Variants in ITFG1 observed in about 807,000 individuals in gnomAD.
The protein encoded by ITFG1 is integrin alpha FG-GAP repeat containing 1.
ITFG1 carries 34 observed loss-of-function variants against 81.8 expected under a neutral mutation model. The observed-to-expected ratio is 0.42, with a 90% confidence interval of 0.32 to 0.55. ITFG1 has a LOEUF of 0.55. Among genes scored for constraint, ITFG1 ranks in the 20% least tolerant of loss-of-function variants. ITFG1 has a pLI of 0.17. For synonymous variants in ITFG1, 285 were observed against 270.6 expected, an observed-to-expected ratio of 1.05 and a Z score of -0.52; for missense variants, 672 against 755.4, an observed-to-expected ratio of 0.89 and a Z score of 1.29.
chr16:47,174,466 C>T lies in ITFG1; in HGVS notation c.1454-11802G>A, dbSNP rs942769352. 2.6e-5 allele frequency among the ~76,000 whole-genome samples: 4 copies of T among 152,046 alleles called. No individual in the cohort carries two copies. In the East Asian group the frequency reaches 5.8e-4, roughly 22 times the overall value. On this transcript the variant is annotated intron_variant, in intron 14 of 17. Coordinates refer to ENST00000320640, the MANE Select transcript of ITFG1 (RefSeq NM_030790.5). ...GTATGTGAACATGAGTGTGTGTGCGCGTGTATGTGTTTTTCTCTGAGTCAA... is the reference window on the plus strand; with the variant it reads ...GTATGTGAACATGAGTGTGTGTGCGTGTGTATGTGTTTTTCTCTGAGTCAA...
At position 47,274,936 on chromosome 16, in the gene ITFG1, A is replaced by G. The variant is rs568099166; in HGVS notation, c.1071-14241T>C. ...CCTTCACTCTTTAGAATTCTATTTC[A>G]AACTCTGTAGTATGTAAAGAATTGA... On this transcript the variant is annotated intron_variant, in intron 10 of 17. Transcript: ENST00000320640. Among the ~76,000 whole-genome samples the G allele has an allele frequency of 3.3e-4, 50 of 152,290 alleles. No individual in the cohort carries two copies. In the Middle Eastern group the frequency reaches 0.02, roughly 62 times the overall value.
At chr16:47,432,749 G>T (rs1969110448) in intron 5 of ITFG1, among the ~76,000 whole-genome samples, 1 of 152,154 alleles carries the variant, frequency 6.6e-6, no homozygotes, top group Non-Finnish European at 1.5e-5. Context: ...TACAAGGTTA[G>T]AAATCTTTAA....
At chr16:47,246,151 A>AT (rs1177502226) in intron 12 of ITFG1, among the ~76,000 whole-genome samples, 4 of 152,204 alleles carry the variant, frequency 2.6e-5, no homozygotes, top group Non-Finnish European at 5.9e-5. Flanking sequence ...AGTTTCTTCC[A>AT]TTTTGTGTAC....
At chr16:47,287,914 A>AT in intron 10 of ITFG1, among the ~76,000 whole-genome samples, 1 of 152,374 alleles carries the variant, frequency 6.6e-6, no homozygotes, top group African/African-American at 2.4e-5. Context: ...AAGAATAAAT[A>AT]TCTCAATTTA....
chr16:47,335,465 AT>A (rs1256026483), intron 8 of ITFG1, among the ~76,000 whole-genome samples: 1 of 152,220 alleles, frequency 6.6e-6, no homozygotes, highest in East Asian at 1.9e-4. Flanking sequence ...GAATAAAAGA[AT>A]TGCAAATCAT....
intron 7 of ITFG1, among the ~76,000 whole-genome samples, chr16:47,367,680 G>A (rs550227321): frequency 6.6e-6 from 1 of 152,316 alleles, no homozygotes; most frequent in South Asian, 2.1e-4. Context: ...AGGACCATGA[G>A]TAAGGAAATA....
At chr16:47,275,030 T>C (rs902654928) in intron 10 of ITFG1, among the ~76,000 whole-genome samples, 6 of 152,310 alleles carry the variant, frequency 3.9e-5, no homozygotes, top group South Asian at 2.1e-4. Context: ...TTATGAACAA[T>C]AGAATTTTGA....
chr16:47,354,976 T>C (rs1437604233), intron 8 of ITFG1, among the ~76,000 whole-genome samples: 2 of 152,136 alleles, frequency 1.3e-5, no homozygotes, highest in Admixed American at 6.6e-5. Flanking sequence ...TGTAAAACAG[T>C]ATGGAGTTTC....
At chr16:47,368,370 G>C (rs998939499) in intron 7 of ITFG1, among the ~76,000 whole-genome samples, 1 of 151,242 alleles carries the variant, frequency 6.6e-6, no homozygotes, top group African/African-American at 2.4e-5. Context: ...TGGCCAACAT[G>C]ATGAAACCCC....
At chr16:47,163,930 CACACACACACACACACACACACAT>C (rs1230251394) in intron 14 of ITFG1, among the ~76,000 whole-genome samples, 2 of 147,392 alleles carry the variant, frequency 1.4e-5, no homozygotes, top group Admixed American at 1.3e-4. Flanking sequence ...CACACACACA[CACACACACACACACACACACACAT>C]ACACACACAC....
At chr16:47,363,406 G>A (rs1968134538) in intron 8 of ITFG1, among the ~76,000 whole-genome samples, 1 of 151,892 alleles carries the variant, frequency 6.6e-6, no homozygotes, top group South Asian at 2.1e-4. Context: ...TCTCACTTGT[G>A]TTGCCTAGGC....
chr16:47,247,818 G>A (rs1966020561), intron 12 of ITFG1, among the ~76,000 whole-genome samples: 1 of 152,062 alleles, frequency 6.6e-6, no homozygotes, highest in South Asian at 2.1e-4. Context: ...AGCTCAGAGG[G>A]AAGTAGCCTG....
At chr16:47,236,474 C>CAAA (rs68028486) in intron 13 of ITFG1, among the ~76,000 whole-genome samples, 6 of 52,258 alleles carry the variant, frequency 1.1e-4, no homozygotes, top group African/African-American at 1.3e-4. Context: ...GACTCCATCT[C>CAAA]AAAAAAAAAA....
chr16:47,258,635 T>C lies in ITFG1; in HGVS notation c.1327A>G (p.Ile443Val). ...TAAATGTTAGTACTTTACTCACCAA[T>C]AACTTTAACAAAATAAGCATCTGCT... ...FEADAYFVKV[I>V]VLSGLCSNDC... The change falls in exon 12 of 18, where the codon ATT (isoleucine) becomes GTT (valine). Residue 443 changes from isoleucine to valine, a missense_variant. By Grantham distance (29) the Ile-to-Val change is conservative. Coordinates refer to ENST00000320640, the MANE Select transcript of ITFG1 (RefSeq NM_030790.5). 7.5e-7 allele frequency: 1 copy of C among 1,341,854 alleles called. No homozygotes were observed. The highest frequency in any genetic ancestry group is 1.1e-6 in the Non-Finnish European group (1 of 946,098). The allele number at this position is 1,341,854 out of a possible 1,614,324, so 83.1% of individuals were successfully genotyped here. A position where few individuals can be genotyped will look rare whatever the true frequency, so the allele number is the denominator to read the frequency against.
At chr16:47,188,624 G>T (rs1185563173) in intron 14 of ITFG1, among the ~76,000 whole-genome samples, 3 of 106,230 alleles carry the variant, frequency 2.8e-5, no homozygotes, top group East Asian at 7.1e-4. Flanking sequence ...GGGGTGGGGG[G>T]AGGGGGGAGG....
chr16:47,375,871 C>T lies in ITFG1; in HGVS notation c.720+5G>A. ...TTAAAATGCTTCAAGGAAAAGATTTCTTACCAAATTTTCCCATATTTCAAA... is the reference window on the plus strand; with the variant it reads ...TTAAAATGCTTCAAGGAAAAGATTTTTTACCAAATTTTCCCATATTTCAAA... On this transcript the variant is annotated splice_donor_5th_base_variant and intron_variant, in intron 7 of 17. Coordinates refer to ENST00000320640, the MANE Select transcript of ITFG1 (RefSeq NM_030790.5). 3 of 1,562,420 alleles carry T rather than the reference C, an allele frequency of 1.9e-6. No homozygotes were observed. The highest frequency in any genetic ancestry group is 1.1e-5 in the South Asian group (1 of 89,870).
chr16:47,419,573 C>T lies in ITFG1; in HGVS notation c.655+9231G>A, dbSNP rs575346681. ...AGGCGTGAGCCACTGCACCTGTTCC[C>T]TTGCACTTTCACGGCCTTACTTCAG... On this transcript the variant is annotated intron_variant, in intron 6 of 17. Transcript: ENST00000320640. Among the ~76,000 whole-genome samples the T allele has an allele frequency of 8.4e-4, 127 of 150,638 alleles. 1 individual carries two copies. The highest frequency in any genetic ancestry group is 2.9e-3 in the African/African-American group (119 of 40,974).
At position 47,264,678 on chromosome 16, in the gene ITFG1, A is replaced by G. The variant is rs549741420; in HGVS notation, c.1071-3983T>C. On this transcript the variant is annotated intron_variant, in intron 10 of 17. Transcript: ENST00000320640. ...TGGTCAAAGGATATGGATATTTTAA[A>G]TGACAACAGTTAAACCTAAATGGTC... Among the ~76,000 whole-genome samples the G allele has an allele frequency of 2.0e-5, 3 of 152,214 alleles. No individual in the cohort carries two copies. The South Asian group carries it at 6.2e-4, about 32-fold the overall frequency.
intron 6 of ITFG1, among the ~76,000 whole-genome samples, chr16:47,381,259 T>A (rs569627474): frequency 3.3e-5 from 5 of 152,198 alleles, no homozygotes; most frequent in Non-Finnish European, 7.3e-5. Context: ...GCATGTAATA[T>A]CCTTTTGATA....
Sources: allele counts gnomAD v4.1 joint callset (sites outside exome capture counted in the v4.1 genomes callset), GRCh38; gene constraint gnomAD v4.1.1; transcripts MANE v1.5; gene names NCBI Gene and HGNC (gene_info 2026-07-23, HGNC 2026-07-21).